Variants in SORBS2 observed in about 807,000 individuals in gnomAD.
SORBS2 encodes sorbin and SH3 domain-containing protein 2.
SORBS2 carries 46 observed loss-of-function variants against 97.7 expected under a neutral mutation model. That is an observed-to-expected ratio of 0.47 (90% CI 0.37 to 0.60). The LOEUF is 0.60. Ranked by LOEUF, SORBS2 falls within the 20% of genes least tolerant of loss-of-function variation. The probability of loss-of-function intolerance (pLI) is 0.00; values close to 1 mark genes in which losing one functional copy is unlikely to be tolerated. For synonymous variants in SORBS2, 476 were observed against 473.4 expected, an observed-to-expected ratio of 1.01 and a Z score of -0.07; for missense variants, 1,316 against 1,282.3, an observed-to-expected ratio of 1.03 and a Z score of -0.40.
intron 1 of SORBS2, among the ~76,000 whole-genome samples, chr4:185,944,173 A>T (rs1442722416): frequency 1.6e-4 from 24 of 152,216 alleles, no homozygotes; most frequent in African/African-American, 5.5e-4. Context: ...CGGAAAGCCA[A>T]ACGCTTATAT....
intron 4 of SORBS2, among the ~76,000 whole-genome samples, chr4:185,643,551 G>A (rs531186687): frequency 1.3e-5 from 2 of 152,306 alleles, no homozygotes; most frequent in Admixed American, 6.5e-5. Flanking sequence ...TGGAGAGGTA[G>A]GGAAATGAAT....
At chr4:185,895,526 G>A (rs552327278) in intron 1 of SORBS2, among the ~76,000 whole-genome samples, 4 of 152,338 alleles carry the variant, frequency 2.6e-5, no homozygotes, top group South Asian at 2.1e-4. Flanking sequence ...GCGCCCGGGC[G>A]ACACCTGGTG....
intron 7 of SORBS2, among the ~76,000 whole-genome samples, chr4:185,620,629 C>T (rs2096705531): frequency 6.6e-6 from 1 of 152,072 alleles, no homozygotes; most frequent in Non-Finnish European, 1.5e-5. Context: ...AGAGATAAAA[C>T]CAAAGAAAGT....
chr4:185,849,709 T>C (rs757030430), intron 1 of SORBS2, among the ~76,000 whole-genome samples: 7 of 152,146 alleles, frequency 4.6e-5, no homozygotes, highest in Non-Finnish European at 8.8e-5. Flanking sequence ...GCCTATAAAA[T>C]AGAAAATCAG....
At chr4:185,750,362 G>A (rs2098791728) in intron 2 of SORBS2, among the ~76,000 whole-genome samples, 1 of 152,230 alleles carries the variant, frequency 6.6e-6, no homozygotes, top group Non-Finnish European at 1.5e-5. Context: ...TTTGGAAACA[G>A]TGGAAACAGG....
intron 7 of SORBS2, among the ~76,000 whole-genome samples, chr4:185,622,351 C>T (rs918006749): frequency 1.3e-5 from 2 of 152,158 alleles, no homozygotes; most frequent in African/African-American, 4.8e-5. Flanking sequence ...GATACATTCA[C>T]AAAAATTTTA....
intron 5 of SORBS2, among the ~76,000 whole-genome samples, chr4:185,627,665 T>C (rs191119592): frequency 3.9e-5 from 6 of 152,336 alleles, no homozygotes; most frequent in African/African-American, 1.4e-4. Flanking sequence ...TTGATGAATC[T>C]TTCCTGATGC....
chr4:185,821,873 C>A (rs530166322), intron 1 of SORBS2, among the ~76,000 whole-genome samples: 1 of 152,156 alleles, frequency 6.6e-6, no homozygotes, highest in Non-Finnish European at 1.5e-5. Context: ...GTCATTATTA[C>A]GAAACATGTC....
At chr4:185,611,485 G>A (rs1381329319) in intron 12 of SORBS2, among the ~76,000 whole-genome samples, 1 of 151,942 alleles carries the variant, frequency 6.6e-6, no homozygotes, top group African/African-American at 2.4e-5. Flanking sequence ...GTACACAGGA[G>A]TACAGATATA....
intron 1 of SORBS2, among the ~76,000 whole-genome samples, chr4:185,830,994 T>C (rs73017895): frequency 0.028 from 4,337 of 152,308 alleles, 213 homozygotes; most frequent in African/African-American, 0.098. Context: ...CTGCTCTTTA[T>C]AACTCTTCCT....
chr4:185,627,851 G>A (rs563544332), intron 5 of SORBS2, among the ~76,000 whole-genome samples: 13 of 149,590 alleles, frequency 8.7e-5, no homozygotes, highest in South Asian at 2.2e-4. Context: ...CCTTCCTCCC[G>A]CTCATCCTGG....
intron 1 of SORBS2, among the ~76,000 whole-genome samples, chr4:185,653,936 T>C (rs767355233): frequency 6.6e-6 from 1 of 152,210 alleles, no homozygotes; most frequent in Non-Finnish European, 1.5e-5. Context: ...ACGAAAGCAT[T>C]CTTATACTTA....
At chr4:185,784,584 T>A (rs1303952301) in intron 1 of SORBS2, among the ~76,000 whole-genome samples, 1 of 152,178 alleles carries the variant, frequency 6.6e-6, no homozygotes, top group Non-Finnish European at 1.5e-5. Context: ...GGATTTCTTG[T>A]TATTTGAGGC....
chr4:185,879,358 T>C lies in SORBS2; in HGVS notation c.-338+76838A>G, dbSNP rs1360294643. On this transcript the variant is annotated intron_variant, in intron 1 of 20. Transcript: ENST00000284776. ...TACAAAGGACATGAACTCATCATTT[T>C]TTATGGCTGCATAGTATTCCATGGT... is the stretch of plus-strand genomic sequence containing the variant. 2.0e-5 allele frequency among the ~76,000 whole-genome samples: 3 copies of C among 152,264 alleles called. No homozygotes were observed. In the East Asian group the frequency reaches 5.8e-4, roughly 29 times the overall value.
rs1360540265 is a variant in SORBS2, at chr4:185,648,255, C to T, written c.281+1212G>A. Among the ~76,000 whole-genome samples, 4 of 152,088 alleles carry T rather than the reference C, an allele frequency of 2.6e-5. No individual in the cohort carries two copies. In the East Asian group the frequency reaches 5.8e-4, roughly 22 times the overall value. ...GGGACTGGCTGGGTGCAGTGACTCA[C>T]GCCTGTAATCCTAGCACTTTGGGAA... is the stretch of plus-strand genomic sequence containing the variant. On this transcript the variant is annotated intron_variant, in intron 3 of 14. Coordinates refer to ENST00000418609, the Ensembl canonical transcript of SORBS2.
chr4:185,656,233 C>A (rs959804763), intron 1 of SORBS2, among the ~76,000 whole-genome samples: 6 of 152,186 alleles, frequency 3.9e-5, no homozygotes, highest in African/African-American at 1.2e-4. Flanking sequence ...TTTCCTCAAT[C>A]TAAAGAGTCT....
intron 4 of SORBS2, chr4:185,677,276 G>A (rs2097801353): frequency 2.9e-5 from 45 of 1,552,074 alleles, no homozygotes; most frequent in Non-Finnish European, 3.9e-5. Flanking sequence ...CTAGATCCTG[G>A]TTATGGGTTA....
chr4:185,713,778 C>T (rs1334664821), intron 2 of SORBS2, among the ~76,000 whole-genome samples: 1 of 152,198 alleles, frequency 6.6e-6, no homozygotes, highest in Non-Finnish European at 1.5e-5. Context: ...TTAATCATTA[C>T]TATCATTTAG....
intron 1 of SORBS2, among the ~76,000 whole-genome samples, chr4:185,934,780 T>C (rs2099268153): frequency 4.1e-5 from 5 of 123,320 alleles, no homozygotes; most frequent in Non-Finnish European, 8.2e-5. Flanking sequence ...AGACTCCATC[T>C]CAAAAAAAAA....
Sources: gnomAD v4.1 joint callset for allele counts (sites outside exome capture counted in the v4.1 genomes callset) on GRCh38, gnomAD v4.1.1 for gene constraint, MANE v1.5 for transcripts, NCBI Gene and HGNC (gene_info 2026-07-23, HGNC 2026-07-21) for gene names.